The following PATJ variants were observed in gnomAD, a reference collection of about 807,000 sequenced individuals.
The protein encoded by PATJ is PATJ crumbs cell polarity complex component.
A neutral mutation model predicts 224.9 loss-of-function variants in PATJ; 190 were observed. That is an observed-to-expected ratio of 0.84 (90% confidence interval 0.75 to 0.95). The LOEUF (loss-of-function observed/expected upper bound fraction) is 0.95. Among genes scored for constraint, PATJ ranks in the 40% least tolerant of loss-of-function variants. PATJ has a pLI of 0.00. For synonymous variants in PATJ, 769 were observed against 820.3 expected (o/e 0.94, Z 1.07); for missense variants, 2,121 against 2,270.3 (o/e 0.93, Z 1.34).
At chr1:61,860,075 A>G (rs1239490524) in intron 18 of PATJ, among the ~76,000 whole-genome samples, 2 of 152,218 alleles carry the variant, frequency 1.3e-5, no homozygotes, top group African/African-American at 4.8e-5. Context: ...TTGTATTTAT[A>G]TAGCTATAGT....
At chr1:61,778,950 C>T (rs747617704) in intron 7 of PATJ, among the ~76,000 whole-genome samples, 2 of 151,870 alleles carry the variant, frequency 1.3e-5, no homozygotes, top group African/African-American at 2.4e-5. Flanking sequence ...CCATCTGCCT[C>T]GGCCTCCCAA....
chr1:61,993,478 C>T (rs1174230770), intron 28 of PATJ, among the ~76,000 whole-genome samples: 7 of 152,100 alleles, frequency 4.6e-5, no homozygotes, highest in Non-Finnish European at 8.8e-5. Context: ...CCCTGAGGGT[C>T]GGAACTGAAC....
intron 33 of PATJ, chr1:62,100,351 C>G: frequency 1.4e-6 from 1 of 718,094 alleles, no homozygotes; most frequent in Non-Finnish European, 2.6e-6. Context: ...GAGCATGGAG[C>G]CAGCATCTGG....
At chr1:61,804,311 A>G (rs1653102619) in intron 12 of PATJ, among the ~76,000 whole-genome samples, 1 of 152,164 alleles carries the variant, frequency 6.6e-6, no homozygotes, top group Non-Finnish European at 1.5e-5. Context: ...TAGCATAGCA[A>G]TTGATATAGT....
intron 7 of PATJ, among the ~76,000 whole-genome samples, chr1:61,776,995 G>C (rs1214319541): frequency 2.0e-5 from 3 of 152,082 alleles, no homozygotes; most frequent in African/African-American, 4.8e-5. Flanking sequence ...AAAGTGCTGG[G>C]ATTACAGGCG....
At chr1:61,785,666 GA>G in intron 7 of PATJ, among the ~76,000 whole-genome samples, 1 of 152,208 alleles carries the variant, frequency 6.6e-6, no homozygotes, top group East Asian at 1.9e-4. Flanking sequence ...AGTGAATTCA[GA>G]ATTTCTGACT....
intron 13 of PATJ, among the ~76,000 whole-genome samples, chr1:61,806,949 T>C (rs1475514405): frequency 6.6e-6 from 1 of 151,896 alleles, no homozygotes; most frequent in Non-Finnish European, 1.5e-5. Context: ...GTCGGGAGTC[T>C]GAGACCAGCC....
intron 11 of PATJ, among the ~76,000 whole-genome samples, chr1:61,799,009 C>A (rs185594806): frequency 9.2e-5 from 14 of 152,174 alleles, no homozygotes; most frequent in Admixed American, 7.9e-4. Flanking sequence ...CACCTGGAAG[C>A]CTTTGCTTTC....
At chr1:61,966,546 CATG>C (rs968104968) in intron 27 of PATJ, among the ~76,000 whole-genome samples, 1 of 152,024 alleles carries the variant, frequency 6.6e-6, no homozygotes, top group Non-Finnish European at 1.5e-5. Context: ...ATTAGCCTGG[CATG>C]GTGGTGGGCC....
intron 10 of PATJ, among the ~76,000 whole-genome samples, chr1:61,796,724 T>TTCTTTCTTTCTTTCTTTCTTTTTCTTTC (rs1223383945): frequency 1.9e-5 from 1 of 52,730 alleles, no homozygotes; most frequent in Non-Finnish European, 3.7e-5. Flanking sequence ...CTTTCTTTCT[T>TTCTTTCTTTCTTTCTTTCTTTTTCTTTC]TTTCTTTCTT....
intron 28 of PATJ, among the ~76,000 whole-genome samples, chr1:62,000,902 A>T (rs184560139): frequency 6.6e-6 from 1 of 150,968 alleles, no homozygotes; most frequent in Admixed American, 6.6e-5. Context: ...AACTGGTATG[A>T]GACGGTATCT....
chr1:62,027,482 A>G (rs1570165034), intron 29 of PATJ, among the ~76,000 whole-genome samples: 2 of 152,294 alleles, frequency 1.3e-5, no homozygotes, highest in East Asian at 3.9e-4. Flanking sequence ...TATATACCAC[A>G]CAAATGGAAT....
chr1:61,762,913 A>C lies in PATJ; in HGVS notation c.21A>C (p.Thr7=), dbSNP rs770236202. Reference sequence around the variant, plus strand: ...TCAAAATGCCTGAAAATCCTGCTACAGGTATACTGGATATATTGTTCTATA... The same window carrying C: ...TCAAAATGCCTGAAAATCCTGCTACCGGTATACTGGATATATTGTTCTATA... The part of the protein sequence containing the change: MPENPA[T]DKLQVLQVLD... Residue 7 remains threonine (T), a splice_region_variant and synonymous_variant, in exon 2 of 44, where the codon ACA becomes ACC. Transcript: ENST00000642238. 1.3e-6 allele frequency: 2 copies of C among 1,547,586 alleles called. No individual in the cohort carries two copies. Among genetic ancestry groups the C allele is most frequent in the East Asian group, 2.3e-5 (1 of 44,256 alleles).
intron 27 of PATJ, among the ~76,000 whole-genome samples, chr1:61,935,547 C>T (rs1676718969): frequency 6.6e-6 from 1 of 152,150 alleles, no homozygotes; most frequent in Non-Finnish European, 1.5e-5. Flanking sequence ...AATCCCAGCA[C>T]TTTGGGAGGC....
chr1:61,808,293 A>C (rs1230188565), intron 13 of PATJ, among the ~76,000 whole-genome samples, 181 bp from the exon 14 acceptor site: 1 of 152,228 alleles, frequency 6.6e-6, no homozygotes. Flanking sequence ...AACAACAAAA[A>C]AATCAAATAT....
intron 7 of PATJ, among the ~76,000 whole-genome samples, chr1:61,775,867 A>G (rs976988297): frequency 8.5e-5 from 13 of 152,226 alleles, no homozygotes; most frequent in Admixed American, 1.3e-4. Context: ...AGAAATGTTA[A>G]TTACTACATT....
chr1:62,107,246 C>A (rs995251802), intron 33 of PATJ, among the ~76,000 whole-genome samples: 16 of 151,162 alleles, frequency 1.1e-4, no homozygotes, highest in African/African-American at 3.7e-4. Context: ...ACGGAGCTTG[C>A]AGTGAGCCAA....
chr1:61,831,118 G>A (rs1659232901), intron 16 of PATJ, among the ~76,000 whole-genome samples: 1 of 151,224 alleles, frequency 6.6e-6, no homozygotes, highest in South Asian at 2.1e-4. Flanking sequence ...AACCCGAGAG[G>A]TGGAGGTTGC....
At chr1:61,972,741 C>T (rs1289621947) in intron 27 of PATJ, among the ~76,000 whole-genome samples, 1 of 152,012 alleles carries the variant, frequency 6.6e-6, no homozygotes, top group Non-Finnish European at 1.5e-5. Context: ...TATGTTGTGC[C>T]ATTCCTAGGG....
Sources: allele counts gnomAD v4.1 joint callset (sites outside exome capture counted in the v4.1 genomes callset), GRCh38; gene constraint gnomAD v4.1.1; transcripts MANE v1.5; gene names NCBI Gene and HGNC (gene_info 2026-07-23, HGNC 2026-07-21).